DOCK7: variants seen among roughly 807,000 people sequenced by gnomAD.
DOCK7 encodes the protein dedicator of cytokinesis 7.
DOCK7 carries 138 observed loss-of-function variants against 271.0 expected under a neutral mutation model. The ratio of observed to expected loss-of-function variants is 0.51; its 90% CI spans 0.44 to 0.59. The LOEUF (loss-of-function observed/expected upper bound fraction) is 0.59, where lower values mean the gene tolerates loss of function less well. Among genes scored for constraint, DOCK7 ranks in the 20% least tolerant of loss-of-function variants. The pLI, the probability that DOCK7 is intolerant of heterozygous loss-of-function variation, is 0.00. For synonymous variants in DOCK7, 823 were observed against 876.1 expected, an observed-to-expected ratio of 0.94 and a Z score of 1.07; for missense variants, 2,066 against 2,592.4, an observed-to-expected ratio of 0.80 and a Z score of 4.41.
intron 43 of DOCK7, chr1:62,484,849 A>T (rs1440629516): frequency 6.6e-6 from 1 of 152,228 alleles, no homozygotes; most frequent in East Asian, 1.9e-4. Flanking sequence ...AGTTCAAAAC[A>T]TGCTTTTAGG....
At chr1:62,650,616 T>C (rs1041315427) in intron 4 of DOCK7, among the ~76,000 whole-genome samples, 6 of 152,078 alleles carry the variant, frequency 3.9e-5, no homozygotes, top group South Asian at 2.1e-4. Flanking sequence ...CAAACAACCC[T>C]ATCAAAAAGT....
At position 62,593,500 on chromosome 1, in the gene DOCK7, G is replaced by A. The variant is rs571952835; in HGVS notation, c.1683-6876C>T. On this transcript the variant is annotated intron_variant, in intron 14 of 49. Coordinates refer to ENST00000635253, the MANE Select transcript of DOCK7 (RefSeq NM_001367561.1). ...CAGGAGAATCGCTTGAACCCAGGAG[G>A]GGGAAGTTGCAGTGAGCTGAGATCA... Among the ~76,000 whole-genome samples, 6 of 152,158 alleles carry A rather than the reference G, an allele frequency of 3.9e-5. No homozygotes were observed. The South Asian group carries it at 1.2e-3, about 32-fold the overall frequency.
rs755423135 is a variant in DOCK7, at chr1:62,604,732, C to A, written c.1682+13974G>T. ...AAGCCAGAGAGGAGAAGAGGATTAT[C>A]TTGGAAGTCTCAAAATGGAAGGTTA... On this transcript the variant is annotated intron_variant, in intron 14 of 49. Transcript: ENST00000635253. 8.1e-6 allele frequency: 13 copies of A among 1,613,142 alleles called. No homozygotes were observed. The South Asian group carries it at 1.4e-4, about 18-fold the overall frequency.
At chr1:62,574,575 G>T (rs1646885692) in intron 18 of DOCK7, among the ~76,000 whole-genome samples, 2 of 152,146 alleles carry the variant, frequency 1.3e-5, no homozygotes, top group Non-Finnish European at 2.9e-5. Context: ...AAACATAGAA[G>T]AAACAGTGTC....
chr1:62,509,903 G>A (rs1271700348), intron 34 of DOCK7, among the ~76,000 whole-genome samples: 4 of 152,172 alleles, frequency 2.6e-5, no homozygotes, highest in African/African-American at 7.2e-5. Context: ...TGGGATGTGG[G>A]ACAATCAGTG....
chr1:62,598,568 A>C (rs1305861226), intron 14 of DOCK7: 1 of 662,646 alleles, frequency 1.5e-6, no homozygotes, highest in Non-Finnish European at 2.8e-6. Flanking sequence ...TACAAGGGGA[A>C]GGAATTGCCA....
intron 7 of DOCK7, among the ~76,000 whole-genome samples, chr1:62,641,947 T>C (rs1656081324): frequency 6.6e-6 from 1 of 152,192 alleles, no homozygotes; most frequent in Non-Finnish European, 1.5e-5. Flanking sequence ...GGTGCTTATG[T>C]TTTACATGGA....
At position 62,504,581 on chromosome 1, in the gene DOCK7, A is replaced by G; in HGVS notation, c.4764+49T>C. On this transcript the variant is annotated intron_variant, in intron 37 of 49. Coordinates refer to ENST00000635253, the MANE Select transcript of DOCK7 (RefSeq NM_001367561.1). ...AACTGATTTAATAACTATCAGCAGA[A>G]GTTATATTTCATTATGAATACAGAG... 2.6e-6 allele frequency: 4 copies of G among 1,564,190 alleles called. No homozygotes were observed. The South Asian group carries it at 4.8e-5, about 19-fold the overall frequency.
chr1:62,686,542 CA>C (rs934283417), intron 1 of DOCK7, among the ~76,000 whole-genome samples: 52 of 142,644 alleles, frequency 3.6e-4, no homozygotes, highest in South Asian at 8.9e-4. Context: ...AATTATTTTA[CA>C]AAAAAAAAAA....
chr1:62,459,428 A>G (rs1280115203), intron 48 of DOCK7, among the ~76,000 whole-genome samples: 2 of 151,958 alleles, frequency 1.3e-5, no homozygotes, highest in Non-Finnish European at 2.9e-5. Context: ...TTTAGTAGAC[A>G]TGGAGTTTCT....
intron 31 of DOCK7, among the ~76,000 whole-genome samples, chr1:62,519,034 G>C (rs944752605): frequency 2.1e-4 from 19 of 88,958 alleles, no homozygotes; most frequent in Non-Finnish European, 4.3e-4. Flanking sequence ...CACACACACA[G>C]AGCAAAGAAA....
chr1:62,590,385 C>T (rs544695221), intron 14 of DOCK7, among the ~76,000 whole-genome samples: 1 of 152,232 alleles, frequency 6.6e-6, no homozygotes, highest in East Asian at 1.9e-4. Context: ...TATACTAGAA[C>T]AAGAATGTAA....
At chr1:62,613,132 GA>G (rs147411719) in intron 14 of DOCK7, among the ~76,000 whole-genome samples, 84 of 152,176 alleles carry the variant, frequency 5.5e-4, no homozygotes, top group Non-Finnish European at 9.7e-4. Flanking sequence ...TCCAATAAAA[GA>G]TTTTTTTCAC....
Position 62,583,208 on chromosome 1 carries a change from T to G in DOCK7, c.1847A>C (p.Tyr616Ser). ...SSCSEFSKEA[Y>S]TAVVYHNRSP... ...CCTGTTATGATATACTACGGCTGTA[T>G]AGGCTTCCTTTGAAAATTCTGAACA... The change falls in exon 16 of 50, where the codon TAT becomes TCT. Residue 616 changes from tyrosine (Y) to serine (S), a missense_variant. Physicochemically the swap from Tyr to Ser is moderately radical, Grantham distance 144 (BLOSUM62 -2). Around this residue, in one of 2 missense-constraint regions of DOCK7, gnomAD observed 1,414 missense variants for 1,670.4 expected, o/e 0.85. Coordinates refer to ENST00000635253, the MANE Select transcript of DOCK7 (RefSeq NM_001367561.1). 1 of 1,613,394 alleles carries G rather than the reference T, an allele frequency of 6.2e-7. No individual in the cohort carries two copies. Among genetic ancestry groups the G allele is most frequent in the Non-Finnish European group, 8.5e-7 (1 of 1,179,556 alleles).
intron 18 of DOCK7, among the ~76,000 whole-genome samples, chr1:62,576,530 A>G (rs1248964006): frequency 1.3e-5 from 2 of 152,242 alleles, no homozygotes; most frequent in Non-Finnish European, 2.9e-5. Flanking sequence ...AAAAATAAAA[A>G]TACATAAAAA....
At chr1:62,460,906 C>T (rs1478353020) in intron 48 of DOCK7, 1 of 152,236 alleles carries the variant, frequency 6.6e-6, no homozygotes, top group Non-Finnish European at 1.5e-5. Flanking sequence ...GTCTGCCTGC[C>T]TCAGCCTCCC....
intron 14 of DOCK7, among the ~76,000 whole-genome samples, chr1:62,613,618 C>T (rs1472439098): frequency 2.6e-5 from 4 of 152,020 alleles, no homozygotes; most frequent in South Asian, 2.1e-4. Context: ...TATCTGATAA[C>T]GAACATAAAA....
chr1:62,509,462 C>T (rs906780302), intron 34 of DOCK7, among the ~76,000 whole-genome samples: 1 of 151,810 alleles, frequency 6.6e-6, no homozygotes, highest in Admixed American at 6.6e-5. Context: ...AAAAAGTCTC[C>T]CTCAAAACAC....
intron 37 of DOCK7, among the ~76,000 whole-genome samples, chr1:62,504,248 T>C (rs1049078408): frequency 6.6e-6 from 1 of 152,112 alleles, no homozygotes; most frequent in Non-Finnish European, 1.5e-5. Context: ...AACACATGAA[T>C]ATAACATATA....
Sources: allele counts gnomAD v4.1 joint callset (sites outside exome capture counted in the v4.1 genomes callset), GRCh38; gene constraint gnomAD v4.1.1; regional missense constraint gnomAD v4.1.1; transcripts MANE v1.5; gene names NCBI Gene and HGNC (gene_info 2026-07-23, HGNC 2026-07-21).